DACH2: variants seen among roughly 807,000 people sequenced by gnomAD.
DACH2 encodes dachshund family transcription factor 2.
Under a neutral mutation model 35.8 loss-of-function variants are expected in DACH2, and 17 were observed. The ratio of observed to expected loss-of-function variants is 0.48; its 90% CI spans 0.33 to 0.71. The LOEUF (loss-of-function observed/expected upper bound fraction) is 0.71. Ranked by LOEUF, DACH2 falls within the 30% of genes least tolerant of loss-of-function variation. The pLI, the probability that DACH2 is intolerant of heterozygous loss-of-function variation, is 0.02. For missense variants in DACH2, 469 were observed against 472.7 expected (o/e 0.99, Z 0.07); for synonymous variants, 195 against 177.3 (o/e 1.10, Z -0.79).
At chrX:86,312,589 C>T (rs1309087091) in intron 1 of DACH2, among the ~76,000 whole-genome samples, 1 of 111,592 alleles carries the variant, frequency 9.0e-6, no homozygotes, top group Non-Finnish European at 1.9e-5. Context: ...CAGATCTACC[C>T]TTAATCTGGT....
At chrX:86,541,801 C>T (rs962716899) in intron 3 of DACH2, among the ~76,000 whole-genome samples, 4 of 111,358 alleles carry the variant, frequency 3.6e-5, no homozygotes, top group African/African-American at 1.3e-4. Context: ...ATGAAGAAAT[C>T]ATGTCACAGG....
chrX:86,455,360 T>G (rs768243286), intron 2 of DACH2, among the ~76,000 whole-genome samples: 1 of 111,501 alleles, frequency 9.0e-6, no homozygotes, highest in Non-Finnish European at 1.9e-5. Context: ...CCATTTGGAC[T>G]CTTCCAAAGC....
At chrX:86,647,126 CAA>C (rs891708507) in intron 3 of DACH2, among the ~76,000 whole-genome samples, 1 of 109,793 alleles carries the variant, frequency 9.1e-6, no homozygotes, top group Non-Finnish European at 1.9e-5. Flanking sequence ...GTTGGTTTCT[CAA>C]AAAATTAAAA....
chrX:86,514,660 G>C (rs1269376887), intron 3 of DACH2, among the ~76,000 whole-genome samples: 1 of 111,621 alleles, frequency 9.0e-6, no homozygotes, highest in African/African-American at 3.3e-5. Context: ...TTCTGTGCTA[G>C]GGACAGGAAT....
intron 1 of DACH2, among the ~76,000 whole-genome samples, chrX:86,355,114 TA>T (rs1309616126): frequency 9.0e-6 from 1 of 111,644 alleles, no homozygotes; most frequent in Non-Finnish European, 1.9e-5. Flanking sequence ...TGTCCATGTG[TA>T]CACAATGTTT....
intron 2 of DACH2, among the ~76,000 whole-genome samples, chrX:86,489,680 C>T (rs930375316): frequency 9.0e-6 from 1 of 111,499 alleles, no homozygotes; most frequent in African/African-American, 3.2e-5. Context: ...AATGATCTCG[C>T]TTCATAAATT....
intron 1 of DACH2, among the ~76,000 whole-genome samples, chrX:86,260,006 T>C (rs1211363951): frequency 9.0e-6 from 1 of 111,425 alleles, no homozygotes; most frequent in Admixed American, 9.6e-5. Flanking sequence ...GGCTATGTTA[T>C]GTAATGAAAC....
chrX:86,501,156 T>G (rs2038243963), intron 2 of DACH2, among the ~76,000 whole-genome samples: 1 of 112,648 alleles, frequency 8.9e-6, no homozygotes, highest in Non-Finnish European at 1.9e-5. Flanking sequence ...CTGCCACTTT[T>G]ATTTTCATAA....
intron 2 of DACH2, among the ~76,000 whole-genome samples, chrX:86,398,651 A>G (rs1371367579): frequency 8.9e-6 from 1 of 111,750 alleles, no homozygotes; most frequent in East Asian, 2.8e-4. Context: ...TTATGTACCC[A>G]GTGGTTATTC....
At chrX:86,689,939 A>G (rs2040991097) in intron 4 of DACH2, among the ~76,000 whole-genome samples, 1 of 111,712 alleles carries the variant, frequency 9.0e-6, no homozygotes, top group Non-Finnish European at 1.9e-5. Flanking sequence ...TAAGACAGAG[A>G]TCATTTTTAT....
intron 3 of DACH2, among the ~76,000 whole-genome samples, chrX:86,647,397 C>T (rs1404380646): frequency 9.0e-6 from 1 of 110,768 alleles, no homozygotes; most frequent in Non-Finnish European, 1.9e-5. Context: ...AAACCTGAAG[C>T]ATGATATGCT....
rs28625120 is a variant in DACH2 at position 86,667,486 on chromosome X, G to A, written c.772+16319G>A. ...ATGAATGAAAGAAAGAAAGAAGGAA[G>A]GAAAGAAAGAAAGAGAAAGAAAGAA... On this transcript the variant is annotated intron_variant, in intron 4 of 11. Coordinates refer to ENST00000373125, the MANE Select transcript of DACH2 (RefSeq NM_053281.3). 3.1e-4 allele frequency among the ~76,000 whole-genome samples: 26 copies of A among 82,785 alleles called. No homozygotes were observed. The East Asian group carries it at 3.5e-3, about 11-fold the overall frequency. 71.9% of individuals were successfully genotyped at this position (82,785 alleles called of 115,157 possible).
Position 86,364,162 on chromosome X carries a change from G to T in DACH2, c.489-12662G>T, listed in dbSNP as rs906517139. Among the ~76,000 whole-genome samples the T allele has an allele frequency of 3.6e-5, 4 of 111,111 alleles. 1 individual carries two copies. The Admixed American group carries it at 3.9e-4, about 11-fold the overall frequency. The stretch of plus-strand genomic sequence containing the variant: ...CTATTTAATTTTTTTATTTTTGTTT[G>T]CCGCAATTGTTATGGGTAAATGGTG... On this transcript the variant is annotated intron_variant, in intron 1 of 11. Transcript: ENST00000373125.
chrX:86,720,627 A>C lies in DACH2; in HGVS notation c.1104+5907A>C, dbSNP rs188240423. Among the ~76,000 whole-genome samples, 172 of 104,352 alleles carry C rather than the reference A, an allele frequency of 1.6e-3. 1 individual carries two copies. Among genetic ancestry groups the C allele is most frequent in the African/African-American group, 7.1e-3 (167 of 23,539 alleles). 90.6% of individuals were successfully genotyped at this position (104,352 alleles called of 115,157 possible). On this transcript the variant is annotated intron_variant, in intron 6 of 11. Transcript: ENST00000373125. ...GTACAGCACCCTCCCAGCTACTTTC[A>C]CAGGATGGTGTTGAGTGTCTGTGGC...
At chrX:86,234,384 CA>C (rs1395686994) in intron 1 of DACH2, among the ~76,000 whole-genome samples, 1 of 111,284 alleles carries the variant, frequency 9.0e-6, no homozygotes. Flanking sequence ...CTGAAATACT[CA>C]ATATTCTCTA....
chrX:86,796,714 G>T (rs895769827), intron 7 of DACH2, among the ~76,000 whole-genome samples: 2 of 111,874 alleles, frequency 1.8e-5, no homozygotes, highest in African/African-American at 6.5e-5. Flanking sequence ...TGAAACATCT[G>T]CATTTAATAC....
At chrX:86,635,613 T>C (rs2040255546) in intron 3 of DACH2, among the ~76,000 whole-genome samples, 1 of 111,607 alleles carries the variant, frequency 9.0e-6, no homozygotes, top group Admixed American at 9.5e-5. Context: ...GATGACATGA[T>C]CCTATATCTA....
At chrX:86,769,585 CTCATCTGAGA>C (rs1300966951) in intron 7 of DACH2, among the ~76,000 whole-genome samples, 1 of 111,705 alleles carries the variant, frequency 9.0e-6, no homozygotes, top group Non-Finnish European at 1.9e-5. Flanking sequence ...ATAGGACTAG[CTCATCTGAGA>C]TGACTTAGAA....
At chrX:86,665,622 G>A (rs1288253652) in intron 4 of DACH2, among the ~76,000 whole-genome samples, 3 of 111,428 alleles carry the variant, frequency 2.7e-5, no homozygotes, top group African/African-American at 9.8e-5. Context: ...GCCAACGAAG[G>A]AAAAATCACA....
Sources: gnomAD v4.1 joint callset for allele counts (sites outside exome capture counted in the v4.1 genomes callset) on GRCh38, gnomAD v4.1.1 for gene constraint, MANE v1.5 for transcripts, NCBI Gene and HGNC (gene_info 2026-07-23, HGNC 2026-07-21) for gene names.